Variants in NUP214 observed in about 807,000 individuals in gnomAD.
NUP214 encodes nuclear pore complex protein Nup214.
A neutral mutation model predicts 196.2 loss-of-function variants in NUP214; 79 were observed. The observed-to-expected ratio is 0.40, with a 90% CI of 0.34 to 0.49. The LOEUF is 0.49. NUP214 is among the 20% of genes least tolerant of loss of function. The pLI is 0.58. For missense variants in NUP214, 2,468 were observed against 2,539.0 expected, an observed-to-expected ratio of 0.97 and a Z score of 0.60; for synonymous variants, 1,020 against 990.5, an observed-to-expected ratio of 1.03 and a Z score of -0.56.
chr9:131,135,637 C>G (rs540606137), intron 8 of NUP214, among the ~76,000 whole-genome samples: 1 of 152,206 alleles, frequency 6.6e-6, no homozygotes. Flanking sequence ...AGCTTCCATC[C>G]CTCTAGCTAC....
Position 131,198,206 on chromosome 9 carries a change from C to T in NUP214, c.4712C>T (p.Thr1571Ile). The change falls in exon 29 of 36, where the codon ACC becomes ATC. Residue 1571 changes from threonine (T) to isoleucine (I), a missense_variant. Around this residue, in one of 5 missense-constraint regions of NUP214, gnomAD observed 1,801 missense variants for 1,779.4 expected, o/e 1.01. Transcript: ENST00000359428. Reference protein sequence around the residue: ...VALSAEATPATTGVPDARTEA... With the variant: ...VALSAEATPAITGVPDARTEA... ...CTTTCTGCAGAGGCTACCCCAGCCA[C>T]CACGGGGGTCCCTGATGCCAGGACG... is the stretch of plus-strand genomic sequence containing the variant. 1 of 1,614,242 alleles carries T rather than the reference C, an allele frequency of 6.2e-7. No homozygotes were observed. Among genetic ancestry groups the T allele is most frequent in the Non-Finnish European group, 8.5e-7 (1 of 1,180,038 alleles).
intron 24 of NUP214, among the ~76,000 whole-genome samples, chr9:131,184,084 G>A: frequency 7.6e-6 from 1 of 131,406 alleles, no homozygotes; most frequent in Non-Finnish European, 1.5e-5. Flanking sequence ...AGGCAGGAGT[G>A]CAGTGGCGCA....
At chr9:131,141,489 T>TTTC (rs1325393547) in intron 11 of NUP214, among the ~76,000 whole-genome samples, 2 of 149,310 alleles carry the variant, frequency 1.3e-5, no homozygotes, top group African/African-American at 4.9e-5. Flanking sequence ...TTTTTTTTTT[T>TTTC]TTTTTTTTTG....
At position 131,174,656 on chromosome 9, in the gene NUP214, G is replaced by A. The variant is rs556045056; in HGVS notation, c.3157+338G>A. ...TGGAGACGGGGTTTCACCATGTTGT[G>A]TTGGCCAGGCTGGTCTCAAACTCCT... On this transcript the variant is annotated intron_variant, in intron 22 of 35. Coordinates refer to ENST00000359428, the MANE Select transcript of NUP214 (RefSeq NM_005085.4). Among the ~76,000 whole-genome samples, 75 of 151,974 alleles carry A rather than the reference G, an allele frequency of 4.9e-4. 1 individual carries two copies. Among genetic ancestry groups the A allele is most frequent in the African/African-American group, 1.3e-3 (52 of 41,478 alleles).
intron 17 of NUP214, among the ~76,000 whole-genome samples, chr9:131,155,554 A>G (rs1419432764): frequency 6.6e-6 from 1 of 152,184 alleles, no homozygotes; most frequent in Admixed American, 6.5e-5. Context: ...CTCCTTGCCT[A>G]AGTCAATGTC....
intron 30 of NUP214, among the ~76,000 whole-genome samples, chr9:131,205,072 G>A (rs1005663486): frequency 6.6e-6 from 1 of 152,132 alleles, no homozygotes; most frequent in Admixed American, 6.5e-5. Flanking sequence ...AATAATTTAT[G>A]TCTAGCAGAC....
At chr9:131,225,054 A>G (rs2131099950) in intron 32 of NUP214, among the ~76,000 whole-genome samples, 1 of 150,214 alleles carries the variant, frequency 6.7e-6, no homozygotes, top group South Asian at 2.1e-4. Flanking sequence ...CTTGAGCCCA[A>G]AAGTTCAAGA....
intron 17 of NUP214, among the ~76,000 whole-genome samples, chr9:131,154,052 G>A (rs948733674): frequency 5.9e-5 from 9 of 152,204 alleles, no homozygotes; most frequent in African/African-American, 2.2e-4. Context: ...AGCAGCTAAC[G>A]CAGAGGTGTG....
At chr9:131,216,133 G>A (rs879699618) in intron 31 of NUP214, among the ~76,000 whole-genome samples, 10 of 150,602 alleles carry the variant, frequency 6.6e-5, no homozygotes, top group South Asian at 2.1e-4. Flanking sequence ...AAACTTCTCC[G>A]CCCGCCTCGG....
intron 21 of NUP214, among the ~76,000 whole-genome samples, chr9:131,168,877 C>A (rs1349047455): frequency 6.6e-6 from 1 of 152,078 alleles, no homozygotes; most frequent in Non-Finnish European, 1.5e-5. Context: ...AATCGTTTAT[C>A]CCTATACATG....
In NUP214 at chr9:131,228,339, C is replaced by T. The variant is rs1249279442; in HGVS notation, c.6074+8C>T. ...CAGCGCAGGAGGATTCGGGTAAGCC[C>T]CCTGGGGAGGGCCCTTGGGAACCCA... is the stretch of plus-strand genomic sequence containing the variant. On this transcript the variant is annotated splice_region_variant and intron_variant, in intron 33 of 35. Coordinates refer to ENST00000359428, the MANE Select transcript of NUP214 (RefSeq NM_005085.4). The T allele has an allele frequency of 1.3e-6, 2 of 1,574,282 alleles. No homozygotes were observed. The highest frequency in any genetic ancestry group is 1.2e-5 in the South Asian group (1 of 85,364).
intron 31 of NUP214, among the ~76,000 whole-genome samples, chr9:131,221,842 G>A (rs535585167): frequency 5.2e-4 from 78 of 148,718 alleles, no homozygotes; most frequent in African/African-American, 1.8e-3. Context: ...TCCCACCAAC[G>A]CCCACCCCCC....
At chr9:131,180,497 T>C (rs1431690163) in intron 24 of NUP214, among the ~76,000 whole-genome samples, 1 of 152,226 alleles carries the variant, frequency 6.6e-6, no homozygotes, top group Non-Finnish European at 1.5e-5. Flanking sequence ...TAAGTGTATT[T>C]TAAGTATTTA....
rs768297826 is a variant in NUP214, at chr9:131,163,159, G to A, written c.2709G>A (p.Gln903=). 3.7e-6 allele frequency: 6 copies of A among 1,611,640 alleles called. No individual in the cohort carries two copies. The highest frequency in any genetic ancestry group is 5.1e-6 in the Non-Finnish European group (6 of 1,179,356). ...GCCTGTCCTCGGCTGTTCCTTCCCA[G>A]AGCAGCATTCACAGGTGTGGAGAGG... ...LWSLSSAVPS[Q]SSIHSFDSDL... Residue 903 remains glutamine, a synonymous_variant, in exon 19 of 36, where the codon CAG becomes CAA. Coordinates refer to ENST00000359428, the MANE Select transcript of NUP214 (RefSeq NM_005085.4).
At chr9:131,208,970 G>A (rs926693095) in intron 30 of NUP214, among the ~76,000 whole-genome samples, 4 of 151,874 alleles carry the variant, frequency 2.6e-5, no homozygotes, top group East Asian at 3.9e-4. Context: ...CCGAGATCAC[G>A]CCACTGCACT....
chr9:131,144,550 T>G lies in NUP214; in HGVS notation c.1565T>G (p.Phe522Cys). 6.2e-7 allele frequency: 1 copy of G among 1,614,108 alleles called. No individual in the cohort carries two copies. Among genetic ancestry groups the G allele is most frequent in the Non-Finnish European group, 8.5e-7 (1 of 1,179,998 alleles). Residue 522 changes from phenylalanine to cysteine, a missense_variant, in exon 12 of 36, where the codon TTT becomes TGT. Physicochemically the swap from Phe to Cys is radical, Grantham distance 205 (BLOSUM62 -2). Coordinates refer to ENST00000359428, the MANE Select transcript of NUP214 (RefSeq NM_005085.4). ...APGPGPSTFS[F>C]VPPSKASLAP... The stretch of plus-strand genomic sequence containing the variant: ...GGCCCTGGCCCATCAACCTTCTCTT[T>G]TGTTCCCCCTTCTAAAGCCTCCCTA...
intron 32 of NUP214, among the ~76,000 whole-genome samples, chr9:131,225,916 G>A (rs1281041968): frequency 6.6e-6 from 1 of 152,216 alleles, no homozygotes; most frequent in Admixed American, 6.5e-5. Flanking sequence ...ACAGGAGGAA[G>A]GTGGGATGGA....
At chr9:131,171,769 G>A (rs1256630955) in intron 21 of NUP214, among the ~76,000 whole-genome samples, 3 of 151,722 alleles carry the variant, frequency 2.0e-5, no homozygotes, top group African/African-American at 7.3e-5. Flanking sequence ...TGTTCTCATT[G>A]TTCAATTCCC....
intron 6 of NUP214, 64 bp from the exon 7 acceptor site, chr9:131,133,042 C>T: frequency 8.2e-7 from 1 of 1,216,988 alleles, no homozygotes. Flanking sequence ...CAAACATAAG[C>T]TGCTTTTTCT....
Sources: allele counts gnomAD v4.1 joint callset (sites outside exome capture counted in the v4.1 genomes callset), GRCh38; gene constraint gnomAD v4.1.1; regional missense constraint gnomAD v4.1.1; transcripts MANE v1.5; gene names NCBI Gene and HGNC (gene_info 2026-07-23, HGNC 2026-07-21).